Variants in CHCHD6 observed in about 807,000 individuals in gnomAD.
The protein encoded by CHCHD6 is coiled-coil-helix-coiled-coil-helix domain containing 6.
In CHCHD6, 28 loss-of-function variants were observed where a neutral mutation model predicts 32.3. That is an observed-to-expected ratio of 0.87 (90% CI 0.64 to 1.19). CHCHD6 has a LOEUF of 1.19. Among genes scored for constraint, CHCHD6 ranks in the 50% most tolerant of loss-of-function variants. The pLI, the probability that CHCHD6 is intolerant of heterozygous loss-of-function variation, is 0.00. For synonymous variants in CHCHD6, 122 were observed against 117.5 expected (o/e 1.04, Z -0.25); for missense variants, 333 against 307.0 (o/e 1.08, Z -0.63).
chr3:126,829,036 G>T (rs1192201301), intron 4 of CHCHD6, among the ~76,000 whole-genome samples: 1 of 152,100 alleles, frequency 6.6e-6, no homozygotes, highest in Non-Finnish European at 1.5e-5. Context: ...ATTAGCTGGG[G>T]TTATTTCCTA....
Position 126,766,478 on chromosome 3 carries a change from C to T in CHCHD6, c.411+33256C>T, listed in dbSNP as rs1576389925. 3.7e-5 allele frequency: 27 copies of T among 725,380 alleles called. No homozygotes were observed. In the East Asian group the frequency reaches 7.3e-4, roughly 20 times the overall value. The allele number at this position is 725,380 out of a possible 1,614,324, so 44.9% of individuals were successfully genotyped here. On this transcript the variant is annotated intron_variant, in intron 4 of 7. Transcript: ENST00000290913. ...TATTCTGGTAGTTTCTTGATCTTCTCTTTCTCGGTCTCACTTTTGTCTCTT... is the reference window on the plus strand; with the variant it reads ...TATTCTGGTAGTTTCTTGATCTTCTTTTTCTCGGTCTCACTTTTGTCTCTT...
chr3:126,815,492 G>T (rs1193726957), intron 4 of CHCHD6, among the ~76,000 whole-genome samples: 1 of 152,170 alleles, frequency 6.6e-6, no homozygotes, highest in South Asian at 2.1e-4. Context: ...TGGAAACCTG[G>T]TTATCATCCT....
intron 4 of CHCHD6, among the ~76,000 whole-genome samples, chr3:126,840,638 A>G (rs749845348): frequency 5.3e-5 from 8 of 152,254 alleles, no homozygotes; most frequent in South Asian, 2.1e-4. Context: ...GTTATCTAAT[A>G]TGGTCATGGA....
chr3:126,890,352 G>A (rs1028928263), intron 5 of CHCHD6, among the ~76,000 whole-genome samples: 1 of 152,198 alleles, frequency 6.6e-6, no homozygotes, highest in African/African-American at 2.4e-5. Context: ...CTCAAGGCTC[G>A]GTGACACAGG....
chr3:126,865,519 CCATCCTCCAT>C, intron 5 of CHCHD6: 4 of 971,554 alleles, frequency 4.1e-6, no homozygotes, highest in Non-Finnish European at 4.9e-6. Flanking sequence ...ACCATCTCCA[CCATCCTCCAT>C]AACCTCCTCC....
intron 6 of CHCHD6, chr3:126,952,984 C>G (rs2107608659): frequency 1.0e-6 from 1 of 985,402 alleles, no homozygotes; most frequent in Admixed American, 6.1e-5. Flanking sequence ...GATGTGGGGT[C>G]TTCTGTGGTC....
intron 4 of CHCHD6, among the ~76,000 whole-genome samples, chr3:126,743,754 G>A (rs1184292154): frequency 1.3e-5 from 2 of 152,166 alleles, no homozygotes; most frequent in African/African-American, 2.4e-5. Flanking sequence ...ATCTGAGAGT[G>A]GCATTGGAGC....
intron 5 of CHCHD6, among the ~76,000 whole-genome samples, chr3:126,913,765 G>T (rs1345456715): frequency 6.6e-6 from 1 of 152,244 alleles, no homozygotes; most frequent in Non-Finnish European, 1.5e-5. Flanking sequence ...GCTAGCAGAT[G>T]CGTTAATGTC....
intron 4 of CHCHD6, among the ~76,000 whole-genome samples, chr3:126,810,523 A>G (rs1195422013): frequency 6.6e-6 from 1 of 152,240 alleles, no homozygotes; most frequent in Non-Finnish European, 1.5e-5. Flanking sequence ...ATAAACTTTA[A>G]AAACTAATGA....
intron 4 of CHCHD6, among the ~76,000 whole-genome samples, chr3:126,810,782 G>C (rs577538407): frequency 3.1e-4 from 47 of 152,336 alleles, no homozygotes; most frequent in Admixed American, 8.5e-4. Flanking sequence ...GCTTATTAGA[G>C]AAGGCTCAGT....
At position 126,852,691 on chromosome 3, in the gene CHCHD6, C is replaced by A. The variant is rs1479591379; in HGVS notation, c.456C>A (p.Asp152Glu). Residue 152 changes from aspartate to glutamate, a missense_variant, in exon 5 of 8, where the codon GAC becomes GAA. Coordinates refer to ENST00000290913, the MANE Select transcript of CHCHD6 (RefSeq NM_032343.3). ...GAGAGGCAGAGCTAAGACGCCGTGA[C>A]ACCTTCTACAAGGAGCAGCTGGAGC... Reference protein sequence around the residue: ...ESREAELRRRDTFYKEQLERI... With the variant: ...ESREAELRRRETFYKEQLERI... 6 of 1,613,720 alleles carry A rather than the reference C, an allele frequency of 3.7e-6. No individual in the cohort carries two copies. Among genetic ancestry groups the A allele is most frequent in the Middle Eastern group, 1.6e-4 (1 of 6,078 alleles).
chr3:126,761,305 C>T (rs777032563), intron 4 of CHCHD6, among the ~76,000 whole-genome samples: 3 of 152,220 alleles, frequency 2.0e-5, no homozygotes, highest in Non-Finnish European at 2.9e-5. Flanking sequence ...ACATCTTTGT[C>T]TCTGTCTCCA....
At chr3:126,706,866 A>G (rs556357944) in intron 1 of CHCHD6, among the ~76,000 whole-genome samples, 2 of 152,300 alleles carry the variant, frequency 1.3e-5, no homozygotes, top group Admixed American at 1.3e-4. Flanking sequence ...AGCAGATGCC[A>G]AAGAAGATCT....
intron 4 of CHCHD6, among the ~76,000 whole-genome samples, chr3:126,744,751 G>A (rs1458813307): frequency 6.6e-6 from 1 of 151,876 alleles, no homozygotes; most frequent in South Asian, 2.1e-4. Flanking sequence ...GCAGTGGTGC[G>A]ATCTCAGCTC....
At chr3:126,956,038 T>C (rs2078778963) in intron 6 of CHCHD6, among the ~76,000 whole-genome samples, 1 of 152,198 alleles carries the variant, frequency 6.6e-6, no homozygotes, top group Admixed American at 6.5e-5. Flanking sequence ...TCCCAAGCTG[T>C]CGAGCATCCT....
intron 6 of CHCHD6, among the ~76,000 whole-genome samples, chr3:126,946,602 G>A (rs1467935199): frequency 6.6e-6 from 1 of 152,200 alleles, no homozygotes; most frequent in African/African-American, 2.4e-5. Flanking sequence ...AATCCCGTGT[G>A]GCGTGTTGAT....
At chr3:126,957,581 A>G in intron 7 of CHCHD6, 30 bp downstream of exon 7, 5 of 1,551,782 alleles carry the variant, frequency 3.2e-6, no homozygotes, top group Non-Finnish European at 4.4e-6. Context: ...CCAGGTTTCC[A>G]AGGGCCTTGG....
intron 4 of CHCHD6, among the ~76,000 whole-genome samples, chr3:126,795,263 G>C (rs1938739852): frequency 6.6e-6 from 1 of 152,060 alleles, no homozygotes. Flanking sequence ...CCTAAAACAG[G>C]GTATTTATTC....
At chr3:126,834,973 T>C (rs1398770464) in intron 4 of CHCHD6, among the ~76,000 whole-genome samples, 1 of 152,198 alleles carries the variant, frequency 6.6e-6, no homozygotes, top group East Asian at 1.9e-4. Context: ...AGAGCTCCGC[T>C]GTGCCATGGG....
Sources: gnomAD v4.1 joint callset for allele counts (sites outside exome capture counted in the v4.1 genomes callset) on GRCh38, gnomAD v4.1.1 for gene constraint, MANE v1.5 for transcripts, NCBI Gene and HGNC (gene_info 2026-07-23, HGNC 2026-07-21) for gene names.